MND1: variants seen among roughly 807,000 people sequenced by gnomAD.
MND1 encodes meiotic nuclear divisions 1, also known as meiotic nuclear division protein 1 homolog.
Under a neutral mutation model 35.1 loss-of-function variants are expected in MND1, and 28 were observed. That is an observed-to-expected ratio of 0.80 (90% CI 0.59 to 1.09). The LOEUF (loss-of-function observed/expected upper bound fraction) is 1.09. Ranked by LOEUF, MND1 falls within the 50% of genes least tolerant of loss-of-function variation. The probability of loss-of-function intolerance (pLI) is 0.00; values close to 1 mark genes in which losing one functional copy is unlikely to be tolerated. For synonymous variants in MND1, 69 were observed against 70.5 expected, an observed-to-expected ratio of 0.98 and a Z score of 0.11; for missense variants, 213 against 239.6, an observed-to-expected ratio of 0.89 and a Z score of 0.73.
intron 4 of MND1, among the ~76,000 whole-genome samples, chr4:153,380,133 CTT>C (rs1226691611): frequency 3.3e-5 from 5 of 151,836 alleles, no homozygotes; most frequent in African/African-American, 1.2e-4. Flanking sequence ...TTTTTTTTCT[CTT>C]TTATATGCAT....
At chr4:153,412,244 G>A (rs573143338) in intron 7 of MND1, among the ~76,000 whole-genome samples, 1 of 152,148 alleles carries the variant, frequency 6.6e-6, no homozygotes, top group African/African-American at 2.4e-5. Context: ...TTTGATACTT[G>A]GAAATAAACT....
chr4:153,402,631 CTG>C (rs1729373958), intron 6 of MND1, among the ~76,000 whole-genome samples: 1 of 152,194 alleles, frequency 6.6e-6, no homozygotes, highest in South Asian at 2.1e-4. Flanking sequence ...CCCTGGAACT[CTG>C]TAAGAGCCTT....
intron 1 of MND1, among the ~76,000 whole-genome samples, chr4:153,349,279 G>A (rs1039276918): frequency 3.9e-4 from 60 of 152,200 alleles, no homozygotes; most frequent in African/African-American, 1.3e-3. Context: ...AGAATAACCT[G>A]AGTGGGCTTC....
chr4:153,345,261 A>C, intron 1 of MND1: 1 of 887,018 alleles, frequency 1.1e-6, no homozygotes, highest in Non-Finnish European at 1.4e-6. Flanking sequence ...GTTTGTCACC[A>C]TTGAGTGGTT....
At chr4:153,355,284 A>G (rs1037916549) in intron 2 of MND1, among the ~76,000 whole-genome samples, 1 of 152,200 alleles carries the variant, frequency 6.6e-6, no homozygotes, top group Non-Finnish European at 1.5e-5. Flanking sequence ...GCTTGATTCT[A>G]TTATACTGTT....
At chr4:153,398,187 T>C (rs1729251481) in intron 6 of MND1, among the ~76,000 whole-genome samples, 1 of 152,178 alleles carries the variant, frequency 6.6e-6, no homozygotes, top group Admixed American at 6.5e-5. Flanking sequence ...GAAATGTGAA[T>C]ATTTAAGGAG....
intron 6 of MND1, 39 bp downstream of exon 6, chr4:153,397,372 TA>T: frequency 2.8e-6 from 4 of 1,452,436 alleles, no homozygotes; most frequent in Non-Finnish European, 3.8e-6. Flanking sequence ...TTAACTTTGA[TA>T]ATGAAGAAGA....
chr4:153,400,367 T>C (rs1027488997), intron 6 of MND1, among the ~76,000 whole-genome samples: 2 of 152,218 alleles, frequency 1.3e-5, no homozygotes, highest in African/African-American at 4.8e-5. Context: ...TTCCTGGCTT[T>C]GTGCATTTTA....
At chr4:153,349,012 A>G (rs891542607) in intron 1 of MND1, among the ~76,000 whole-genome samples, 2 of 151,396 alleles carry the variant, frequency 1.3e-5, no homozygotes, top group East Asian at 3.9e-4. Context: ...ATCCCCTACA[A>G]TTTTTGAGAA....
intron 6 of MND1, among the ~76,000 whole-genome samples, chr4:153,404,486 G>A (rs1479756185): frequency 2.1e-5 from 3 of 145,806 alleles, no homozygotes; most frequent in Non-Finnish European, 3.0e-5. Context: ...CACTGTGCAC[G>A]GCCTTTTTTT....
At chr4:153,393,074 G>A (rs1391061506) in intron 4 of MND1, among the ~76,000 whole-genome samples, 2 of 152,024 alleles carry the variant, frequency 1.3e-5, no homozygotes, top group African/African-American at 2.4e-5. Flanking sequence ...AGTCATGATC[G>A]TGACACTGCA....
chr4:153,407,923 T>C (rs1231889289), intron 6 of MND1, among the ~76,000 whole-genome samples: 1 of 151,988 alleles, frequency 6.6e-6, no homozygotes, highest in Non-Finnish European at 1.5e-5. Flanking sequence ...TTCTGGGTGA[T>C]GAAAAAATGT....
chr4:153,390,751 G>T (rs1728998124), intron 4 of MND1, among the ~76,000 whole-genome samples: 1 of 152,070 alleles, frequency 6.6e-6, no homozygotes, highest in Admixed American at 6.6e-5. Context: ...GGGAGGCTGA[G>T]GTGGGAGGAT....
intron 1 of MND1, 120 bp downstream of exon 1, chr4:153,344,860 T>G: frequency 1.3e-6 from 2 of 1,486,320 alleles, no homozygotes; most frequent in Non-Finnish European, 1.8e-6. Flanking sequence ...GCGGGAGCGG[T>G]CGCCCGGCTC....
intron 4 of MND1, among the ~76,000 whole-genome samples, chr4:153,361,795 G>T (rs1579905826): frequency 6.6e-6 from 1 of 151,612 alleles, no homozygotes; most frequent in Non-Finnish European, 1.5e-5. Context: ...CCAAGATCGC[G>T]CCACTGCACT....
At chr4:153,400,129 G>A (rs894106692) in intron 6 of MND1, among the ~76,000 whole-genome samples, 2 of 151,722 alleles carry the variant, frequency 1.3e-5, no homozygotes, top group African/African-American at 2.4e-5. Flanking sequence ...AGCTGGTCTC[G>A]AACTCCTGGC....
chr4:153,405,760 C>A (rs1729482792), intron 6 of MND1, among the ~76,000 whole-genome samples: 1 of 152,108 alleles, frequency 6.6e-6, no homozygotes, highest in South Asian at 2.1e-4. Context: ...GATCAAAGAC[C>A]TACATGGAAG....
chr4:153,396,203 G>A (rs1305071029), intron 5 of MND1, among the ~76,000 whole-genome samples: 1 of 152,046 alleles, frequency 6.6e-6, no homozygotes, highest in Non-Finnish European at 1.5e-5. Flanking sequence ...GGTCCCAGTG[G>A]CCACATTGCA....
At chr4:153,375,015 C>A (rs1201994943) in intron 4 of MND1, among the ~76,000 whole-genome samples, 1 of 152,034 alleles carries the variant, frequency 6.6e-6, no homozygotes, top group Non-Finnish European at 1.5e-5. Context: ...AAAATGAATT[C>A]CTGATATAGT....
Sources: gnomAD v4.1 joint callset for allele counts (sites outside exome capture counted in the v4.1 genomes callset) on GRCh38, gnomAD v4.1.1 for gene constraint, MANE v1.5 for transcripts, NCBI Gene and HGNC (gene_info 2026-07-23, HGNC 2026-07-21) for gene names.